CNTNAP2: variants seen among roughly 807,000 people sequenced by gnomAD.
CNTNAP2 encodes the protein contactin-associated protein-like 2.
CNTNAP2 carries 98 observed loss-of-function variants against 155.2 expected under a neutral mutation model. The observed-to-expected ratio is 0.63, with a 90% CI of 0.54 to 0.75. The LOEUF is 0.75. Ranked by LOEUF, CNTNAP2 falls within the 30% of genes least tolerant of loss-of-function variation. The pLI, the probability that CNTNAP2 is intolerant of heterozygous loss-of-function variation, is 0.00. For missense variants in CNTNAP2, 1,727 were observed against 1,688.1 expected (o/e 1.02, Z -0.40); for synonymous variants, 651 against 631.2 (o/e 1.03, Z -0.47).
chr7:146,622,058 A>G (rs1292245034), intron 1 of CNTNAP2, among the ~76,000 whole-genome samples: 1 of 152,078 alleles, frequency 6.6e-6, no homozygotes, highest in African/African-American at 2.4e-5. Context: ...ACACACCTGC[A>G]TCACTACAGA....
At chr7:146,363,339 G>T (rs1246464471) in intron 1 of CNTNAP2, among the ~76,000 whole-genome samples, 1 of 152,074 alleles carries the variant, frequency 6.6e-6, no homozygotes, top group East Asian at 1.9e-4. Context: ...TCTAACTTCT[G>T]TATTTCCAAT....
At position 146,338,325 on chromosome 7, in the gene CNTNAP2, ACT is replaced by A. The variant is rs763408819; in HGVS notation, c.97+221355_97+221356del. On this transcript the variant is annotated intron_variant, in intron 1 of 23. Transcript: ENST00000361727. ...ATCTAGGAGCCAAGAACTAACAGAG[ACT>A]CTGTGCTTTATGTGTGAGCATTTAA... 7.2e-5 allele frequency among the ~76,000 whole-genome samples: 11 copies of A among 151,962 alleles called. No homozygotes were observed. In the South Asian group the frequency reaches 1.3e-3, roughly 17 times the overall value.
At chr7:147,793,754 G>T (rs1263882916) in intron 13 of CNTNAP2, among the ~76,000 whole-genome samples, 2 of 151,986 alleles carry the variant, frequency 1.3e-5, no homozygotes, top group Non-Finnish European at 2.9e-5. Flanking sequence ...CCTCAAGTTA[G>T]GGAGAAGTCC....
rs1800047910 is a variant in CNTNAP2, at chr7:148,418,635, C to G, written c.*3019C>G. 6.6e-6 allele frequency: 1 copy of G among 152,202 alleles called. No individual in the cohort carries two copies. The highest frequency in any genetic ancestry group is 2.4e-5 in the African/African-American group (1 of 41,450). 9.4% of individuals were successfully genotyped at this position (152,202 alleles called of 1,614,324 possible). A position where few individuals can be genotyped will look rare whatever the true frequency, so the allele number is the denominator to read the frequency against. On this transcript the variant is annotated 3_prime_UTR_variant, in exon 24 of 24. Transcript: ENST00000361727. Reference sequence around the variant, plus strand: ...GCATATTCCCTAGAGCTCAAGAAAGCTGGTCCAGGAGGTTGAAAAAGCTAT... The same window carrying G: ...GCATATTCCCTAGAGCTCAAGAAAGGTGGTCCAGGAGGTTGAAAAAGCTAT...
intron 11 of CNTNAP2, among the ~76,000 whole-genome samples, chr7:147,499,628 C>T (rs73162067): frequency 1.3e-5 from 2 of 151,968 alleles, no homozygotes; most frequent in East Asian, 3.9e-4. Context: ...CTGCAACCAC[C>T]CCAATTTCCC....
chr7:147,772,475 T>TATAC (rs1797488806), intron 13 of CNTNAP2, among the ~76,000 whole-genome samples: 1 of 104,538 alleles, frequency 9.6e-6, no homozygotes, highest in Non-Finnish European at 1.9e-5. Flanking sequence ...TATATATATA[T>TATAC]ATATATATAC....
rs1187218415 is a variant in CNTNAP2, at chr7:146,599,780, A to AGATAGATAGATC, written c.98-174488_98-174487insAGATAGATCGAT. Among the ~76,000 whole-genome samples the AGATAGATAGATC allele has an allele frequency of 9.9e-5, 15 of 152,032 alleles. No homozygotes were observed. In the South Asian group the frequency reaches 1.2e-3, roughly 13 times the overall value. Reference sequence around the variant, plus strand: ...TAGATAGATAGATAGATAGATAGATAGATCTCTAGTTTTATGTACTACTGC... The same window carrying AGATAGATAGATC: ...TAGATAGATAGATAGATAGATAGATAGATAGATAGATCGATCTCTAGTTTTATGTACTACTGC... On this transcript the variant is annotated intron_variant, in intron 1 of 23. Transcript: ENST00000361727.
intron 10 of CNTNAP2, among the ~76,000 whole-genome samples, chr7:147,403,979 T>A (rs534381774): frequency 1.3e-5 from 2 of 152,312 alleles, no homozygotes; most frequent in African/African-American, 4.8e-5. Flanking sequence ...TTCTCTTTTT[T>A]TCTTTAGAAA....
At chr7:147,865,858 T>C (rs1799217577) in intron 13 of CNTNAP2, among the ~76,000 whole-genome samples, 1 of 152,168 alleles carries the variant, frequency 6.6e-6, no homozygotes, top group African/African-American at 2.4e-5. Flanking sequence ...TTTGTTGATC[T>C]TTTCAAAAAA....
At chr7:147,622,625 C>T (rs537902651) in intron 12 of CNTNAP2, among the ~76,000 whole-genome samples, 105 of 151,756 alleles carry the variant, frequency 6.9e-4, no homozygotes, top group African/African-American at 2.2e-3. Context: ...CTATGGGATA[C>T]GATAAAAGCA....
intron 14 of CNTNAP2, among the ~76,000 whole-genome samples, chr7:147,923,575 A>G (rs1463070792): frequency 6.6e-6 from 1 of 152,104 alleles, no homozygotes; most frequent in African/African-American, 2.4e-5. Flanking sequence ...ATGCAGTGGT[A>G]TAATCACAGC....
At chr7:146,340,168 CAAAAAA>C (rs1195946572) in intron 1 of CNTNAP2, among the ~76,000 whole-genome samples, 1 of 54,898 alleles carries the variant, frequency 1.8e-5, no homozygotes, top group Non-Finnish European at 4.0e-5. Flanking sequence ...GACTCCGCCT[CAAAAAA>C]AAAAAAAAAA....
rs1795967535 is a variant in CNTNAP2 at position 146,900,275 on chromosome 7, G to C, written c.402+60371G>C. On this transcript the variant is annotated intron_variant, in intron 3 of 23. Coordinates refer to ENST00000361727, the MANE Select transcript of CNTNAP2 (RefSeq NM_014141.6). ...CAGTTCTGTCATCACAACATCTCTAGAGTAAATGTAATACATTATTCATTT... is the reference window on the plus strand; with the variant it reads ...CAGTTCTGTCATCACAACATCTCTACAGTAAATGTAATACATTATTCATTT... 2.6e-5 allele frequency among the ~76,000 whole-genome samples: 4 copies of C among 152,072 alleles called. No individual in the cohort carries two copies. The South Asian group carries it at 6.2e-4, about 24-fold the overall frequency.
At chr7:146,295,614 C>T (rs7801023) in intron 1 of CNTNAP2, among the ~76,000 whole-genome samples, 76,300 of 151,796 alleles carry the variant, frequency 0.5, 23,501 homozygotes, top group African/African-American at 0.87. Context: ...AAGAAAAAAT[C>T]GTTTTTATGG....
rs999487359 is a variant in CNTNAP2, at chr7:148,286,689, A to G, written c.3475+19563A>G. ...TTAATGATAATACAAAGGAAGTCAC[A>G]TTATTAATTAAACAAAGTGACTTAG... On this transcript the variant is annotated intron_variant, in intron 21 of 23. Coordinates refer to ENST00000361727, the MANE Select transcript of CNTNAP2 (RefSeq NM_014141.6). Among the ~76,000 whole-genome samples, 3 of 152,336 alleles carry G rather than the reference A, an allele frequency of 2.0e-5. No homozygotes were observed. The East Asian group carries it at 5.8e-4, about 29-fold the overall frequency.
intron 1 of CNTNAP2, among the ~76,000 whole-genome samples, chr7:146,728,707 G>A (rs1450905746): frequency 1.3e-5 from 2 of 151,362 alleles, no homozygotes; most frequent in Non-Finnish European, 2.9e-5. Flanking sequence ...TCTGTTCTTC[G>A]AGTTGAATAA....
chr7:147,494,763 A>G (rs1798672011), intron 11 of CNTNAP2, among the ~76,000 whole-genome samples: 1 of 152,046 alleles, frequency 6.6e-6, no homozygotes, highest in Non-Finnish European at 1.5e-5. Flanking sequence ...AAGATAAGGA[A>G]CGGAGCTTCA....
intron 1 of CNTNAP2, among the ~76,000 whole-genome samples, chr7:146,371,551 G>C (rs911178322): frequency 6.0e-5 from 9 of 150,984 alleles, no homozygotes; most frequent in African/African-American, 2.2e-4. Flanking sequence ...TATTTTTTTT[G>C]TATTTTTAGT....
chr7:146,224,469 C>T (rs1452265573), intron 1 of CNTNAP2, among the ~76,000 whole-genome samples: 1 of 150,896 alleles, frequency 6.6e-6, no homozygotes, highest in African/African-American at 2.4e-5. Context: ...GATTTGGGGC[C>T]GGGCGCGATG....
Sources: gnomAD v4.1 joint callset for allele counts (sites outside exome capture counted in the v4.1 genomes callset) on GRCh38, gnomAD v4.1.1 for gene constraint, MANE v1.5 for transcripts, NCBI Gene and HGNC (gene_info 2026-07-23, HGNC 2026-07-21) for gene names.